Variants in CASC3 observed in about 807,000 individuals in gnomAD.
CASC3 encodes protein CASC3.
A neutral mutation model predicts 80.5 loss-of-function variants in CASC3; 30 were observed. That is an observed-to-expected ratio of 0.37 (90% CI 0.28 to 0.51). The LOEUF (loss-of-function observed/expected upper bound fraction) is 0.51. Among genes scored for constraint, CASC3 ranks in the 20% least tolerant of loss-of-function variants. CASC3 has a pLI of 0.94. For missense variants in CASC3, 824 were observed against 922.2 expected, an observed-to-expected ratio of 0.89 and a Z score of 1.38; for synonymous variants, 312 against 333.6, an observed-to-expected ratio of 0.94 and a Z score of 0.70.
At chr17:40,157,522 G>A (rs9898419) in intron 3 of CASC3, among the ~76,000 whole-genome samples, 151,195 of 152,108 alleles carry the variant, frequency 0.99, 75,143 homozygotes, top group Middle Eastern at 1. Context: ...CTAAAAGTAC[G>A]AAAATAGCTG....
intron 3 of CASC3, among the ~76,000 whole-genome samples, chr17:40,152,371 G>C (rs1401046139): frequency 2.6e-5 from 4 of 151,782 alleles, no homozygotes; most frequent in Non-Finnish European, 4.4e-5. Flanking sequence ...GCCCAGGCTG[G>C]AGTGCAGTGG....
Position 40,167,514 on chromosome 17 carries a change from G to C in CASC3, c.1553G>C (p.Arg518Pro). The C allele has an allele frequency of 6.2e-7, 1 of 1,613,954 alleles. No individual in the cohort carries two copies. Among genetic ancestry groups the C allele is most frequent in the Non-Finnish European group, 8.5e-7 (1 of 1,179,914 alleles). Reference protein sequence around the residue: ...RMEEMGVQGGRAKRYSSQRQR... With the variant: ...RMEEMGVQGGPAKRYSSQRQR... ...TTGTCTCAGGGTGTCCAGGGTGGTCGAGCCAAACGCTATTCATCCCAGCGG... is the reference window on the plus strand; with the variant it reads ...TTGTCTCAGGGTGTCCAGGGTGGTCCAGCCAAACGCTATTCATCCCAGCGG... The change falls in exon 9 of 14, where the codon CGA (arginine) becomes CCA (proline). Residue 518 changes from arginine (R) to proline (P), a missense_variant. Arg to Pro is a moderately radical substitution (Grantham distance 103). This residue lies in a region of CASC3 where 464 missense variants were observed against 506.0 expected (regional missense o/e 0.92). Transcript: ENST00000264645.
chr17:40,157,254 A>T (rs1409448094), intron 3 of CASC3, among the ~76,000 whole-genome samples: 1 of 152,080 alleles, frequency 6.6e-6, no homozygotes, highest in African/African-American at 2.4e-5. Flanking sequence ...CTGAGGCAGG[A>T]GAATGGCGTG....
intron 3 of CASC3, among the ~76,000 whole-genome samples, chr17:40,147,947 A>G (rs1468792392): frequency 6.6e-6 from 1 of 152,110 alleles, no homozygotes; most frequent in Non-Finnish European, 1.5e-5. Context: ...TTATTTTGAA[A>G]TAGAAGTTGC....
In CASC3 at chr17:40,171,694, G is replaced by T; in HGVS notation, c.*1289G>T. 2 of 1,069,670 alleles carry T rather than the reference G, an allele frequency of 1.9e-6. No homozygotes were observed. The highest frequency in any genetic ancestry group is 1.1e-6 in the Non-Finnish European group (1 of 879,750). The allele number at this position is 1,069,670 out of a possible 1,614,324, so 66.3% of individuals were successfully genotyped here. A position where few individuals can be genotyped will look rare whatever the true frequency, so the allele number is the denominator to read the frequency against. On this transcript the variant is annotated 3_prime_UTR_variant, in exon 14 of 14. Transcript: ENST00000264645. The stretch of plus-strand genomic sequence containing the variant: ...CTCTGTGGAAGAGATTCCTATTACT[G>T]CAGTACATACGTCTGCCAGGGGTAA...
chr17:40,141,748 C>G (rs1988723423), intron 3 of CASC3, 141 bp downstream of exon 3: 5 of 769,692 alleles, frequency 6.5e-6, no homozygotes. Context: ...AAAAGTGTTA[C>G]AGAAGGTCTT....
intron 3 of CASC3, among the ~76,000 whole-genome samples, chr17:40,146,424 T>TA (rs1385739180): frequency 6.6e-6 from 1 of 151,044 alleles, no homozygotes; most frequent in Non-Finnish European, 1.5e-5. Context: ...TCTCGAGAAG[T>TA]ACGATTTCTT....
At chr17:40,156,482 C>T (rs1163711379) in intron 3 of CASC3, among the ~76,000 whole-genome samples, 1 of 151,904 alleles carries the variant, frequency 6.6e-6, no homozygotes, top group African/African-American at 2.4e-5. Flanking sequence ...GTCAGGAGAT[C>T]GAGACCATCC....
At chr17:40,140,972 T>C in intron 1 of CASC3, 193 bp downstream of exon 1, 1 of 636,818 alleles carries the variant, frequency 1.6e-6, no homozygotes, top group South Asian at 2.1e-5. Flanking sequence ...ATTGGGGGTT[T>C]CTGGGAGGAT....
intron 3 of CASC3, among the ~76,000 whole-genome samples, chr17:40,156,877 A>C (rs1407392666): frequency 1.3e-5 from 2 of 151,186 alleles, no homozygotes; most frequent in Non-Finnish European, 3.0e-5. Context: ...CTGTCTCTAC[A>C]AAAAAAAGGA....
chr17:40,159,547 T>G (rs1465930320), intron 3 of CASC3, among the ~76,000 whole-genome samples: 4 of 142,148 alleles, frequency 2.8e-5, no homozygotes, highest in African/African-American at 5.5e-5. Context: ...ATTGTGTGTT[T>G]TTTTTTTTTT....
chr17:40,161,709 C>T (rs1351737044), intron 3 of CASC3, 44 bp from the exon 4 acceptor site: 13 of 1,569,538 alleles, frequency 8.3e-6, no homozygotes, highest in South Asian at 2.3e-5. Flanking sequence ...TAAAATGCAC[C>T]GTTCAGATCT....
At position 40,140,720 on chromosome 17, in the gene CASC3, G is replaced by T; in HGVS notation, c.172G>T (p.Ala58Ser). The T allele has an allele frequency of 6.4e-7, 1 of 1,557,136 alleles. No individual in the cohort carries two copies. The highest frequency in any genetic ancestry group is 8.7e-7 in the Non-Finnish European group (1 of 1,153,192). ...LPSQRGGRTG[A>S]LHLRRVESGG... Reference sequence around the variant, plus strand: ...TTCACAGCGCGGAGGCCGAACCGGGGCCCTTCATCTGCGGCGGGTGGAGAG... The same window carrying T: ...TTCACAGCGCGGAGGCCGAACCGGGTCCCTTCATCTGCGGCGGGTGGAGAG... The change falls in exon 1 of 14, where the codon GCC (alanine) becomes TCC (serine). Residue 58 changes from alanine to serine, a missense_variant. Around this residue, in one of 3 missense-constraint regions of CASC3, gnomAD observed 159 missense variants for 122.2 expected, o/e 1.30. Transcript: ENST00000264645.
rs141802928 is a variant in CASC3 at position 40,143,115 on chromosome 17, A to C, written c.297+1508A>C. Among the ~76,000 whole-genome samples, 1,359 of 151,794 alleles carry C rather than the reference A, an allele frequency of 9.0e-3. 20 individuals are homozygous for C. Among genetic ancestry groups the C allele is most frequent in the African/African-American group, 0.031 (1,301 of 41,426 alleles). Reference sequence around the variant, plus strand: ...AAAAAAAAAATAAATAAATAAAAGAAAGGCTGTAGGGGTACAAAAAGAATA... The same window carrying C: ...AAAAAAAAAATAAATAAATAAAAGACAGGCTGTAGGGGTACAAAAAGAATA... On this transcript the variant is annotated intron_variant, in intron 3 of 13. Transcript: ENST00000264645.
At position 40,157,071 on chromosome 17, in the gene CASC3, C is replaced by T. The variant is rs542094572; in HGVS notation, c.298-4682C>T. On this transcript the variant is annotated intron_variant, in intron 3 of 13. Coordinates refer to ENST00000264645, the MANE Select transcript of CASC3 (RefSeq NM_007359.5). ...AAAAAATAAAAGGGGGTTGGCCGGG[C>T]GCGGTGGCTCACGCCTGTAATCCCA... 1.7e-4 allele frequency among the ~76,000 whole-genome samples: 26 copies of T among 152,140 alleles called. 1 individual carries two copies. The highest frequency in any genetic ancestry group is 5.2e-4 in the Admixed American group (8 of 15,246).
chr17:40,167,874 C>G lies in CASC3; in HGVS notation c.1676C>G (p.Thr559Ser), dbSNP rs2145183354. The G allele has an allele frequency of 6.2e-7, 1 of 1,614,114 alleles. No individual in the cohort carries two copies. The highest frequency in any genetic ancestry group is 2.2e-5 in the East Asian group (1 of 44,894). The change falls in exon 10 of 14, where the codon ACC becomes AGC. Residue 559 changes from threonine (T) to serine (S), a missense_variant. Coordinates refer to ENST00000264645, the MANE Select transcript of CASC3 (RefSeq NM_007359.5). ...GTGCAGTTCCAGGGACCAATCTATA[C>G]CCATGGTGACAGCCCTGCCCCGCTG... ...DPLQFQGPIY[T>S]HGDSPAPLPP... is the part of the protein sequence containing the mutation.
At chr17:40,163,059 AAAAAAAAG>A (rs1189035732) in intron 6 of CASC3, among the ~76,000 whole-genome samples, 158 bp downstream of exon 6, 2 of 151,828 alleles carry the variant, frequency 1.3e-5, no homozygotes, top group Non-Finnish European at 2.9e-5. Flanking sequence ...TGTCTCCAAA[AAAAAAAAG>A]AAAAAAAGGA....
rs1415829755 is a variant in CASC3 at position 40,171,052 on chromosome 17, C to T, written c.*647C>T. On this transcript the variant is annotated 3_prime_UTR_variant, in exon 14 of 14. Coordinates refer to ENST00000264645, the MANE Select transcript of CASC3 (RefSeq NM_007359.5). ...TGTTATCCTCTTGTATACTTGTATT[C>T]CCTTAACTCTAACCCTGTGGAAGCA... 1.0e-6 allele frequency: 1 copy of T among 985,426 alleles called. No homozygotes were observed. Among genetic ancestry groups the T allele is most frequent in the East Asian group, 1.1e-4 (1 of 8,968 alleles). 61.0% of individuals were successfully genotyped at this position (985,426 alleles called of 1,614,324 possible). A position where few individuals can be genotyped will look rare whatever the true frequency, so the allele number is the denominator to read the frequency against.
chr17:40,141,361 C>A (rs1988711931), intron 2 of CASC3, 127 bp downstream of exon 2: 1 of 965,084 alleles, frequency 1.0e-6, no homozygotes, highest in African/African-American at 1.6e-5. Flanking sequence ...CTTTTTGTAA[C>A]ATAGTGGTTA....
Sources: gnomAD v4.1 joint callset for allele counts (sites outside exome capture counted in the v4.1 genomes callset) on GRCh38, gnomAD v4.1.1 for gene constraint, gnomAD v4.1.1 regional missense constraint, MANE v1.5 for transcripts, NCBI Gene and HGNC (gene_info 2026-07-23, HGNC 2026-07-21) for gene names.